Variants in CEP43 observed in about 807,000 individuals in gnomAD.
CEP43 encodes FGFR1 oncogene partner.
CEP43 carries 36 observed loss-of-function variants against 52.6 expected under a neutral mutation model. The ratio of observed to expected loss-of-function variants is 0.68; its 90% CI spans 0.52 to 0.90. The LOEUF is 0.90. Among genes scored for constraint, CEP43 ranks in the 40% least tolerant of loss-of-function variants. The probability of loss-of-function intolerance (pLI) is 0.00; values close to 1 mark genes in which losing one functional copy is unlikely to be tolerated. For missense variants in CEP43, 506 were observed against 472.8 expected (o/e 1.07, Z -0.65); for synonymous variants, 192 against 172.4 (o/e 1.11, Z -0.89).
At chr6:167,027,486 T>G (rs1316273315) in intron 10 of CEP43, among the ~76,000 whole-genome samples, 2 of 152,098 alleles carry the variant, frequency 1.3e-5, no homozygotes, top group Non-Finnish European at 2.9e-5. Context: ...ATGGAAGCAT[T>G]GGAAGAGCTT....
In CEP43 at chr6:167,042,205, G is replaced by C. The variant is rs370739828; in HGVS notation, c.*2227G>C. The C allele has an allele frequency of 3.5e-5, 35 of 1,004,902 alleles. No homozygotes were observed. The East Asian group carries it at 9.5e-4, about 27-fold the overall frequency. 62.2% of individuals were successfully genotyped at this position (1,004,902 alleles called of 1,614,324 possible). ...CTTTTCACATGTACTTTTTGATTAG[G>C]TATTATCAACTTATGAAACTTGAAG... is the stretch of plus-strand genomic sequence containing the variant. On this transcript the variant is annotated 3_prime_UTR_variant, in exon 13 of 13. Transcript: ENST00000366847.
intron 6 of CEP43, among the ~76,000 whole-genome samples, chr6:167,012,304 T>G (rs1780003880): frequency 6.6e-6 from 1 of 152,230 alleles, no homozygotes; most frequent in Non-Finnish European, 1.5e-5. Context: ...AAACAACTAT[T>G]GTATTGTTTA....
At chr6:167,031,045 A>AT (rs1297653948) in intron 10 of CEP43, among the ~76,000 whole-genome samples, 21 of 151,646 alleles carry the variant, frequency 1.4e-4, no homozygotes, top group Admixed American at 1.4e-3. Flanking sequence ...TGGTTTTTAC[A>AT]TTTTTTTTGA....
intron 7 of CEP43, among the ~76,000 whole-genome samples, chr6:167,016,601 C>A (rs952627636): frequency 3.9e-5 from 6 of 152,128 alleles, no homozygotes; most frequent in Admixed American, 3.9e-4. Flanking sequence ...TATTGAGATG[C>A]TTTTTCACAT....
intron 8 of CEP43, among the ~76,000 whole-genome samples, chr6:167,023,996 G>A (rs1199036550): frequency 6.6e-6 from 1 of 151,992 alleles, no homozygotes; most frequent in African/African-American, 2.4e-5. Context: ...GTTTAGGTGG[G>A]AGAAATAACA....
At chr6:167,035,938 G>A in intron 12 of CEP43, 1 of 491,602 alleles carries the variant, frequency 2.0e-6, no homozygotes, top group Non-Finnish European at 2.6e-6. Context: ...GAAAATTAGA[G>A]ATAAGCGTGT....
In CEP43 at chr6:167,043,420, G is replaced by A. The variant is rs1230946405; in HGVS notation, c.*3442G>A. 2.1e-5 allele frequency: 2 copies of A among 95,920 alleles called. No homozygotes were observed. The highest frequency in any genetic ancestry group is 4.0e-5 in the African/African-American group (1 of 25,276). The allele number at this position is 95,920 out of a possible 1,614,324, so 5.9% of individuals were successfully genotyped here. ...TTTGAGGTGGAGTTTTGTTCTTGTT[G>A]CCCAGGCTGGAGTGCCATGGGGCGA... On this transcript the variant is annotated 3_prime_UTR_variant, in exon 13 of 13. Transcript: ENST00000366847.
intron 7 of CEP43, among the ~76,000 whole-genome samples, chr6:167,020,814 C>A (rs2128663448): frequency 1.3e-5 from 2 of 148,508 alleles, no homozygotes; most frequent in Admixed American, 1.4e-4. Flanking sequence ...GAGGCTGAGG[C>A]AGGAGAATCG....
rs1195454166 is a variant in CEP43 at position 167,045,271 on chromosome 6, T to G, written c.*5293T>G. The G allele has an allele frequency of 1.3e-5, 2 of 151,706 alleles. No individual in the cohort carries two copies. The highest frequency in any genetic ancestry group is 2.9e-5 in the Non-Finnish European group (2 of 68,006). 9.4% of individuals were successfully genotyped at this position (151,706 alleles called of 1,614,324 possible). On this transcript the variant is annotated 3_prime_UTR_variant, in exon 13 of 13. Transcript: ENST00000366847. ...GTGTTTCACCATGCCCGGCGAATTT[T>G]TTTTGTATTTTTAGTAGACACGGGA...
In CEP43 at chr6:167,040,480, T is replaced by G; in HGVS notation, c.*502T>G. 1 of 1,154,676 alleles carries G rather than the reference T, an allele frequency of 8.7e-7. No individual in the cohort carries two copies. The highest frequency in any genetic ancestry group is 1.1e-6 in the Non-Finnish European group (1 of 934,330). The allele number at this position is 1,154,676 out of a possible 1,614,324, so 71.5% of individuals were successfully genotyped here. ...TTTGTAATGCTGAAGTATATTAGTATAAGTTAAATTTGATGTGTCAACTTT... is the reference window on the plus strand; with the variant it reads ...TTTGTAATGCTGAAGTATATTAGTAGAAGTTAAATTTGATGTGTCAACTTT... On this transcript the variant is annotated 3_prime_UTR_variant, in exon 13 of 13. Transcript: ENST00000366847.
chr6:167,014,457 T>C (rs1780050137), intron 7 of CEP43, among the ~76,000 whole-genome samples: 1 of 152,144 alleles, frequency 6.6e-6, no homozygotes, highest in Admixed American at 6.6e-5. Flanking sequence ...ATATTAGAAG[T>C]TTTAGAAACA....
At chr6:166,999,796 CGGCCCGCAGCTG>C in intron 1 of CEP43, 1 of 527,332 alleles carries the variant, frequency 1.9e-6, no homozygotes, top group South Asian at 2.6e-5. Context: ...GCCACACGGG[CGGCCCGCAGCTG>C]GGCCCTGGAG....
chr6:167,028,451 A>G, intron 10 of CEP43: 1 of 985,258 alleles, frequency 1.0e-6, no homozygotes, highest in Non-Finnish European at 1.2e-6. Context: ...GATGTTTGTC[A>G]TTTAGCTAGG....
intron 2 of CEP43, among the ~76,000 whole-genome samples, chr6:167,000,336 G>A (rs1359777626): frequency 1.3e-5 from 2 of 152,186 alleles, no homozygotes; most frequent in African/African-American, 4.8e-5. Context: ...TGATACTAAT[G>A]CTTAATCTGA....
rs1167612759 is a variant in CEP43 at position 167,041,438 on chromosome 6, T to A, written c.*1460T>A. 1.2e-5 allele frequency: 13 copies of A among 1,060,304 alleles called. No individual in the cohort carries two copies. Among genetic ancestry groups the A allele is most frequent in the Non-Finnish European group, 1.5e-5 (13 of 876,090 alleles). 65.7% of individuals were successfully genotyped at this position (1,060,304 alleles called of 1,614,324 possible). On this transcript the variant is annotated 3_prime_UTR_variant, in exon 13 of 13. Coordinates refer to ENST00000366847, the MANE Select transcript of CEP43 (RefSeq NM_007045.4). ...CCGTCTGTGAGCTGCTATCTCAGTCTCCTTCAGCTCTTCATGTCTTAGTAA... is the reference window on the plus strand; with the variant it reads ...CCGTCTGTGAGCTGCTATCTCAGTCACCTTCAGCTCTTCATGTCTTAGTAA...
chr6:167,033,097 C>CCCTT (rs1780506128), intron 11 of CEP43, among the ~76,000 whole-genome samples: 1 of 94,576 alleles, frequency 1.1e-5, no homozygotes, highest in African/African-American at 4.0e-5. Flanking sequence ...GATTGCCATT[C>CCCTT]TCTTTTTTTT....
At position 167,041,089 on chromosome 6, in the gene CEP43, T is replaced by C. The variant is rs1164221066; in HGVS notation, c.*1111T>C. The C allele has an allele frequency of 1.9e-6, 2 of 1,038,796 alleles. No individual in the cohort carries two copies. Among genetic ancestry groups the C allele is most frequent in the East Asian group, 5.9e-5 (1 of 16,926 alleles). The allele number at this position is 1,038,796 out of a possible 1,614,324, so 64.3% of individuals were successfully genotyped here. A position where few individuals can be genotyped will look rare whatever the true frequency, so the allele number is the denominator to read the frequency against. On this transcript the variant is annotated 3_prime_UTR_variant, in exon 13 of 13. Transcript: ENST00000366847. The stretch of plus-strand genomic sequence containing the variant: ...GCAGGATTGTGCTGTTTTTGCACTT[T>C]ATAATTTCAATTAAGTTGCGGCTTT...
At chr6:167,012,411 A>G (rs1351482249) in intron 6 of CEP43, among the ~76,000 whole-genome samples, 1 of 152,048 alleles carries the variant, frequency 6.6e-6, no homozygotes, top group Non-Finnish European at 1.5e-5. Flanking sequence ...AACCCCAGTG[A>G]TAGAGTAAGG....
rs917272034 is a variant in CEP43 at position 167,026,169 on chromosome 6, C to T, written c.920-378C>T. Among the ~76,000 whole-genome samples the T allele has an allele frequency of 2.0e-5, 3 of 152,154 alleles. No homozygotes were observed. In the East Asian group the frequency reaches 5.8e-4, roughly 29 times the overall value. The stretch of plus-strand genomic sequence containing the variant: ...CACGAGGTCAGGAGTTCGAGACCAG[C>T]CTATCCAACATAGGGAAACCCTGTC... On this transcript the variant is annotated intron_variant, in intron 9 of 12. Transcript: ENST00000366847.
Sources: gnomAD v4.1 joint callset for allele counts (sites outside exome capture counted in the v4.1 genomes callset) on GRCh38, gnomAD v4.1.1 for gene constraint, MANE v1.5 for transcripts, NCBI Gene and HGNC (gene_info 2026-07-23, HGNC 2026-07-21) for gene names.